DKK2: variants seen among roughly 807,000 people sequenced by gnomAD.
DKK2 encodes the protein dickkopf-related protein 2.
Under a neutral mutation model 28.1 loss-of-function variants are expected in DKK2, and 11 were observed. The observed-to-expected ratio is 0.39, with a 90% CI of 0.25 to 0.65. The LOEUF (loss-of-function observed/expected upper bound fraction) is 0.65. Among genes scored for constraint, DKK2 ranks in the 30% least tolerant of loss-of-function variants. DKK2 has a pLI of 0.47. For synonymous variants in DKK2, 135 were observed against 126.5 expected, an observed-to-expected ratio of 1.07 and a Z score of -0.45; for missense variants, 326 against 335.5, an observed-to-expected ratio of 0.97 and a Z score of 0.22.
chr4:107,015,166 T>C (rs1014776727), intron 1 of DKK2, among the ~76,000 whole-genome samples: 4 of 151,554 alleles, frequency 2.6e-5, no homozygotes, highest in Admixed American at 1.3e-4. Context: ...ATTGCCGTAA[T>C]TACACCCCCA....
intron 1 of DKK2, among the ~76,000 whole-genome samples, chr4:106,975,052 T>TTG (rs1369172256): frequency 6.6e-6 from 1 of 152,222 alleles, no homozygotes; most frequent in East Asian, 1.9e-4. Flanking sequence ...ATTTGTTGAT[T>TTG]TGAGTATGTT....
At chr4:106,989,794 A>C (rs1723178559) in intron 1 of DKK2, among the ~76,000 whole-genome samples, 1 of 152,218 alleles carries the variant, frequency 6.6e-6, no homozygotes, top group South Asian at 2.1e-4. Context: ...TGGCATATTC[A>C]AGCTATGTGT....
intron 1 of DKK2, among the ~76,000 whole-genome samples, chr4:106,934,518 AAC>A (rs1724550543): frequency 1.3e-5 from 2 of 152,028 alleles, no homozygotes; most frequent in Admixed American, 1.3e-4. Flanking sequence ...TACATACACA[AAC>A]ACACACACAT....
intron 1 of DKK2, among the ~76,000 whole-genome samples, chr4:106,994,979 C>T (rs1462089269): frequency 6.6e-6 from 1 of 152,160 alleles, no homozygotes; most frequent in Non-Finnish European, 1.5e-5. Context: ...TTTCTCAAGC[C>T]TGGCATATTA....
chr4:106,956,289 G>A (rs1339550100), intron 1 of DKK2, among the ~76,000 whole-genome samples: 3 of 152,060 alleles, frequency 2.0e-5, no homozygotes, highest in African/African-American at 7.2e-5. Flanking sequence ...ATGCTCATGG[G>A]TAGGAAGAAT....
chr4:106,978,138 G>C (rs1310110984), intron 1 of DKK2, among the ~76,000 whole-genome samples: 1 of 152,140 alleles, frequency 6.6e-6, no homozygotes, highest in African/African-American at 2.4e-5. Context: ...GCAATCTCCA[G>C]GTGCCAGTCA....
chr4:107,011,848 G>A (rs1034510442), intron 1 of DKK2, among the ~76,000 whole-genome samples: 4 of 151,364 alleles, frequency 2.6e-5, no homozygotes, highest in Non-Finnish European at 5.9e-5. Flanking sequence ...TGTCAATACA[G>A]TGAGAAAAAG....
At chr4:106,942,737 C>T (rs1223720743) in intron 1 of DKK2, among the ~76,000 whole-genome samples, 1 of 152,032 alleles carries the variant, frequency 6.6e-6, no homozygotes, top group Non-Finnish European at 1.5e-5. Flanking sequence ...TACAACTTTG[C>T]TAGGGTCAGT....
chr4:106,983,252 A>G (rs540680267), intron 1 of DKK2, among the ~76,000 whole-genome samples: 1 of 151,322 alleles, frequency 6.6e-6, no homozygotes, highest in East Asian at 1.9e-4. Context: ...CTAATAACAT[A>G]TTTTATGATT....
At chr4:106,937,944 G>A (rs1353149837) in intron 1 of DKK2, among the ~76,000 whole-genome samples, 4 of 147,938 alleles carry the variant, frequency 2.7e-5, no homozygotes, top group Admixed American at 6.7e-5. Context: ...CAACATACCA[G>A]AATCTCTGGG....
At chr4:107,020,439 CAA>C (rs939477465) in intron 1 of DKK2, among the ~76,000 whole-genome samples, 2 of 151,954 alleles carry the variant, frequency 1.3e-5, no homozygotes, top group Admixed American at 1.3e-4. Context: ...CAAGGATTTC[CAA>C]AGAGTACTGT....
intron 1 of DKK2, among the ~76,000 whole-genome samples, chr4:107,006,391 C>T (rs1037719514): frequency 6.6e-6 from 1 of 152,098 alleles, no homozygotes; most frequent in Admixed American, 6.6e-5. Flanking sequence ...AACTAAACCC[C>T]AGGGAGGAAG....
chr4:107,002,049 C>T (rs1723367447), intron 1 of DKK2, among the ~76,000 whole-genome samples: 1 of 152,088 alleles, frequency 6.6e-6, no homozygotes, highest in Non-Finnish European at 1.5e-5. Flanking sequence ...TCAAATGTTC[C>T]ATTTTATGAA....
chr4:106,989,584 A>T (rs913547473), intron 1 of DKK2, among the ~76,000 whole-genome samples: 1 of 152,228 alleles, frequency 6.6e-6, no homozygotes, highest in Non-Finnish European at 1.5e-5. Flanking sequence ...AATTATATCA[A>T]TTGCTTAGCA....
At chr4:106,929,889 G>A (rs1344967701) in intron 1 of DKK2, among the ~76,000 whole-genome samples, 4 of 152,162 alleles carry the variant, frequency 2.6e-5, no homozygotes, top group Admixed American at 2.6e-4. Flanking sequence ...GAGACCTTGA[G>A]TTCTTCCCTG....
intron 1 of DKK2, among the ~76,000 whole-genome samples, chr4:106,937,822 A>G (rs1481063165): frequency 1.3e-5 from 2 of 151,752 alleles, no homozygotes; most frequent in African/African-American, 4.8e-5. Flanking sequence ...CTCACTCAAA[A>G]CCGGTCAACT....
intron 1 of DKK2, among the ~76,000 whole-genome samples, chr4:106,985,667 G>C (rs374221729): frequency 2.0e-5 from 3 of 151,600 alleles, no homozygotes; most frequent in Admixed American, 6.6e-5. Flanking sequence ...AAATTAGCCC[G>C]GCATGGTGGC....
At chr4:106,951,296 A>C (rs1442446467) in intron 1 of DKK2, among the ~76,000 whole-genome samples, 2 of 152,148 alleles carry the variant, frequency 1.3e-5, no homozygotes, top group African/African-American at 4.8e-5. Context: ...AACAACAACA[A>C]AAGAACTACC....
chr4:107,002,058 A>G (rs1011624129), intron 1 of DKK2, among the ~76,000 whole-genome samples: 1 of 152,218 alleles, frequency 6.6e-6, no homozygotes, highest in African/African-American at 2.4e-5. Flanking sequence ...CCATTTTATG[A>G]AAGTCTTACT....
Sources: gnomAD v4.1 joint callset for allele counts (sites outside exome capture counted in the v4.1 genomes callset) on GRCh38, gnomAD v4.1.1 for gene constraint, MANE v1.5 for transcripts, NCBI Gene and HGNC (gene_info 2026-07-23, HGNC 2026-07-21) for gene names.